EGFL6: variants seen among roughly 807,000 people sequenced by gnomAD.
EGFL6 encodes the protein epidermal growth factor-like protein 6.
Under a neutral mutation model 43.1 loss-of-function variants are expected in EGFL6, and 42 were observed. The observed-to-expected ratio is 0.98, with a 90% CI of 0.76 to 1.26. The LOEUF (loss-of-function observed/expected upper bound fraction) is 1.26. Among genes scored for constraint, EGFL6 ranks in the 50% most tolerant of loss-of-function variants. The pLI is 0.00. For missense variants in EGFL6, 429 were observed against 427.8 expected (o/e 1.00, Z -0.02); for synonymous variants, 164 against 163.2 (o/e 1.01, Z -0.04).
chrX:13,571,648 A>G (rs1485328182), intron 1 of EGFL6, among the ~76,000 whole-genome samples: 3 of 112,227 alleles, frequency 2.7e-5, no homozygotes, highest in East Asian at 5.6e-4. Flanking sequence ...AAACCAAAGC[A>G]TATTAAACTG....
intron 11 of EGFL6, among the ~76,000 whole-genome samples, chrX:13,630,027 T>C (rs903862110): frequency 2.7e-5 from 3 of 111,864 alleles, no homozygotes; most frequent in Non-Finnish European, 5.6e-5. Context: ...GAATCTAGCC[T>C]CAATAGGAAC....
intron 10 of EGFL6, among the ~76,000 whole-genome samples, chrX:13,625,777 T>G (rs1332643177): frequency 9.4e-6 from 1 of 106,739 alleles, no homozygotes; most frequent in Admixed American, 1.0e-4. Flanking sequence ...TCCCAGCTAT[T>G]CAGGAGGCTG....
At position 13,618,051 on chromosome X, in the gene EGFL6, T is replaced by C. The variant is rs1338816403; in HGVS notation, c.1100T>C (p.Phe367Ser). Reference sequence around the variant, plus strand: ...GAGCGAAGCCTGCGAGGAGATGTGTTTTGTGAGTGTTATTTTTATTTTATA... The same window carrying C: ...GAGCGAAGCCTGCGAGGAGATGTGTCTTGTGAGTGTTATTTTTATTTTATA... ...IEERSLRGDV[F>S]FPKVNEAGEF... Residue 367 changes from phenylalanine to serine, a missense_variant and splice_region_variant, in exon 8 of 12, where the codon TTT (phenylalanine) becomes TCT (serine). Phe to Ser is a radical substitution (Grantham distance 155, BLOSUM62 -2). Coordinates refer to ENST00000361306, the MANE Select transcript of EGFL6 (RefSeq NM_015507.4). 2 of 1,168,667 alleles carry C rather than the reference T, an allele frequency of 1.7e-6. No homozygotes were observed. The highest frequency in any genetic ancestry group is 3.0e-5 in the East Asian group (1 of 33,330).
intron 7 of EGFL6, among the ~76,000 whole-genome samples, chrX:13,617,026 C>T (rs745599385): frequency 1.5e-4 from 16 of 106,084 alleles, no homozygotes; most frequent in East Asian, 8.9e-4. Context: ...CCCGCCACCG[C>T]GCCCGGCTAA....
intron 9 of EGFL6, among the ~76,000 whole-genome samples, chrX:13,621,983 G>A (rs1394006775): frequency 8.9e-6 from 1 of 112,233 alleles, no homozygotes; most frequent in Non-Finnish European, 1.9e-5. Flanking sequence ...TCCCCATGTG[G>A]AGGAAGGGGA....
chrX:13,593,130 G>A (rs753452902), intron 2 of EGFL6, among the ~76,000 whole-genome samples: 1 of 110,044 alleles, frequency 9.1e-6, no homozygotes, highest in Non-Finnish European at 1.9e-5. Context: ...GGCCGGGCTG[G>A]TCTCAAACTC....
At chrX:13,630,357 AT>A (rs769125499) in intron 11 of EGFL6, among the ~76,000 whole-genome samples, 18 of 111,691 alleles carry the variant, frequency 1.6e-4, no homozygotes, top group Non-Finnish European at 2.6e-4. Flanking sequence ...TTATCCGGAC[AT>A]TTATTTCTAG....
chrX:13,587,533 C>T (rs1364847732), intron 1 of EGFL6, among the ~76,000 whole-genome samples: 1 of 111,617 alleles, frequency 9.0e-6, no homozygotes, highest in Non-Finnish European at 1.9e-5. Flanking sequence ...ATTTACAATA[C>T]ATTGTTGCTA....
intron 7 of EGFL6, among the ~76,000 whole-genome samples, chrX:13,608,920 A>G (rs758149389): frequency 8.9e-6 from 1 of 112,586 alleles, no homozygotes; most frequent in East Asian, 2.8e-4. Context: ...TCATTAAAGT[A>G]TGATTACTTT....
Position 13,623,498 on chromosome X carries a change from C to T in EGFL6, c.1184-326C>T, listed in dbSNP as rs1306216533. Among the ~76,000 whole-genome samples, 5 of 103,251 alleles carry T rather than the reference C, an allele frequency of 4.8e-5. No individual in the cohort carries two copies. In the East Asian group the frequency reaches 1.2e-3, roughly 26 times the overall value. The allele number at this position is 103,251 out of a possible 115,157, so 89.7% of individuals were successfully genotyped here. On this transcript the variant is annotated intron_variant, in intron 9 of 11. Transcript: ENST00000361306. ...GGGTGATTCTCCTGCCTCAGCCTCC[C>T]GAGTAGCTGGGATTACAGGTGTCTG...
rs760789106 is a variant in EGFL6, at chrX:13,629,768, A to G, written c.1551+2492A>G. On this transcript the variant is annotated intron_variant, in intron 11 of 11. Transcript: ENST00000361306. ...CCCCATCCCATTAGGCTGGGGGGGA[A>G]ATTTAATCTTGGCTATTTCCTCATT... Among the ~76,000 whole-genome samples, 302 of 111,954 alleles carry G rather than the reference A, an allele frequency of 2.7e-3. 1 individual carries two copies. Among genetic ancestry groups the G allele is most frequent in the Non-Finnish European group, 4.8e-3 (256 of 53,132 alleles).
In EGFL6 at chrX:13,633,081, T is replaced by C. The variant is rs376635786; in HGVS notation, c.1648T>C (p.Ser550Pro). ...VSGLCPDSLL[S>P]VDD The stretch of plus-strand genomic sequence containing the variant: ...AGGCTTATGTCCAGATAGCCTTTTA[T>C]CTGTGGATGACTGAATGTTACTATC... Residue 550 changes from serine (S) to proline (P), a missense_variant, in exon 12 of 12, where the codon TCT becomes CCT. Transcript: ENST00000361306. 5.9e-6 allele frequency: 7 copies of C among 1,193,692 alleles called. No individual in the cohort carries two copies. The highest frequency in any genetic ancestry group is 7.9e-6 in the Non-Finnish European group (7 of 888,517).
rs780194370 is a variant in EGFL6, at chrX:13,606,499, G to T, written c.641G>T (p.Arg214Leu). Reference sequence around the variant, plus strand: ...TTCGAACTGCAATATATCAGTGGACGATATGACTGTATAGGTAAGATTCGA... The same window carrying T: ...TTCGAACTGCAATATATCAGTGGACTATATGACTGTATAGGTAAGATTCGA... The part of the protein sequence containing the change: ...IGFELQYISG[R>L]YDCIDINECT... The change falls in exon 6 of 12, where the codon CGA becomes CTA. Residue 214 changes from arginine to leucine, a missense_variant. Physicochemically the swap from Arg to Leu is moderately radical, Grantham distance 102 (BLOSUM62 -2). Coordinates refer to ENST00000361306, the MANE Select transcript of EGFL6 (RefSeq NM_015507.4). 1 of 1,210,884 alleles carries T rather than the reference G, an allele frequency of 8.3e-7. No homozygotes were observed.
chrX:13,632,950 T>G, intron 11 of EGFL6, 35 bp from the exon 12 acceptor site: 1 of 1,137,375 alleles, frequency 8.8e-7, no homozygotes, highest in Non-Finnish European at 1.2e-6. Context: ...TTTGAACAGT[T>G]TGGAGTAATT....
intron 2 of EGFL6, among the ~76,000 whole-genome samples, chrX:13,591,146 C>T (rs1382297205): frequency 2.7e-5 from 3 of 111,969 alleles, no homozygotes; most frequent in East Asian, 2.8e-4. Context: ...ACAGACTTCT[C>T]GTCATTAAAG....
At chrX:13,585,157 C>T (rs1391993509) in intron 1 of EGFL6, among the ~76,000 whole-genome samples, 13 of 111,789 alleles carry the variant, frequency 1.2e-4, no homozygotes, top group Non-Finnish European at 3.8e-5. Flanking sequence ...GCCAACCTCT[C>T]GGGGCTCATC....
At chrX:13,571,106 A>ACCC (rs1404131141) in intron 1 of EGFL6, among the ~76,000 whole-genome samples, 1 of 30,460 alleles carries the variant, frequency 3.3e-5, no homozygotes, top group African/African-American at 1.4e-4. Flanking sequence ...ACCCCACCCC[A>ACCC]CCCCCCACCA....
At chrX:13,571,113 A>ACCC (rs1319876612) in intron 1 of EGFL6, among the ~76,000 whole-genome samples, 14 of 25,624 alleles carry the variant, frequency 5.5e-4, no homozygotes, top group East Asian at 2.0e-3. Context: ...CCCACCCCCC[A>ACCC]CCACCACCAC....
At chrX:13,606,721 T>A in intron 6 of EGFL6, among the ~76,000 whole-genome samples, 1 of 112,337 alleles carries the variant, frequency 8.9e-6, no homozygotes. Context: ...CAATAAAGAT[T>A]TAAAGTAAGG....
Sources: gnomAD v4.1 joint callset for allele counts (sites outside exome capture counted in the v4.1 genomes callset) on GRCh38, gnomAD v4.1.1 for gene constraint, MANE v1.5 for transcripts, NCBI Gene and HGNC (gene_info 2026-07-23, HGNC 2026-07-21) for gene names.